Variants in TTC17 observed in about 807,000 individuals in gnomAD.
TTC17 encodes tetratricopeptide repeat protein 17.
Under a neutral mutation model 143.8 loss-of-function variants are expected in TTC17, and 58 were observed. The ratio of observed to expected loss-of-function variants is 0.40; its 90% CI spans 0.33 to 0.50. The LOEUF (loss-of-function observed/expected upper bound fraction) is 0.50. Among genes scored for constraint, TTC17 ranks in the 20% least tolerant of loss-of-function variants. The pLI, the probability that TTC17 is intolerant of heterozygous loss-of-function variation, is 0.49. For missense variants in TTC17, 1,273 were observed against 1,392.5 expected (o/e 0.91, Z 1.37); for synonymous variants, 501 against 497.8 (o/e 1.01, Z -0.09).
intron 2 of TTC17, among the ~76,000 whole-genome samples, chr11:43,382,625 A>G (rs183220667): frequency 1.3e-3 from 203 of 152,336 alleles, no homozygotes; most frequent in African/African-American, 4.7e-3. Flanking sequence ...TTGTTATTCA[A>G]TGTAATTTGT....
intron 21 of TTC17, among the ~76,000 whole-genome samples, chr11:43,456,179 AACACACACACACAC>A (rs57261729): frequency 6.8e-6 from 1 of 146,212 alleles, no homozygotes; most frequent in East Asian, 2.0e-4. Flanking sequence ...TTAGCACAAT[AACACACACACACAC>A]ACACACACAC....
chr11:43,445,310 A>T (rs1027290027), intron 18 of TTC17, among the ~76,000 whole-genome samples: 4 of 152,306 alleles, frequency 2.6e-5, no homozygotes, highest in African/African-American at 9.6e-5. Context: ...ATCCTGTAAA[A>T]TAATGTATGT....
chr11:43,477,435 C>G (rs748324642), intron 21 of TTC17, among the ~76,000 whole-genome samples: 1 of 152,148 alleles, frequency 6.6e-6, no homozygotes, highest in East Asian at 1.9e-4. Context: ...AAGACATACC[C>G]AAAACCAGGA....
At chr11:43,464,774 G>T (rs1411165226) in intron 21 of TTC17, among the ~76,000 whole-genome samples, 4 of 152,058 alleles carry the variant, frequency 2.6e-5, no homozygotes, top group African/African-American at 9.7e-5. Flanking sequence ...CAATACAGGA[G>T]GCTGATCTGG....
chr11:43,440,346 G>A (rs1947389183), intron 16 of TTC17, among the ~76,000 whole-genome samples: 2 of 152,096 alleles, frequency 1.3e-5, no homozygotes, highest in Admixed American at 1.3e-4. Flanking sequence ...TCTTTATCCT[G>A]TTGCCCTTTC....
chr11:43,456,179 A>AACACAC (rs57261729), intron 21 of TTC17, among the ~76,000 whole-genome samples: 2,327 of 146,288 alleles, frequency 0.016, 22 homozygotes, highest in Non-Finnish European at 0.02. Context: ...TTAGCACAAT[A>AACACAC]ACACACACAC....
chr11:43,486,465 C>T (rs891855387), intron 21 of TTC17: 10 of 446,998 alleles, frequency 2.2e-5, no homozygotes, highest in Non-Finnish European at 4.5e-5. Context: ...GGAGGGACTA[C>T]TATACCATTT....
intron 21 of TTC17, among the ~76,000 whole-genome samples, chr11:43,464,018 A>G (rs889732119): frequency 4.6e-5 from 7 of 152,258 alleles, no homozygotes; most frequent in Non-Finnish European, 8.8e-5. Flanking sequence ...GCTCCTGCCT[A>G]TAATCCCAGC....
At chr11:43,386,890 A>G (rs983337230) in intron 2 of TTC17, among the ~76,000 whole-genome samples, 1 of 152,098 alleles carries the variant, frequency 6.6e-6, no homozygotes, top group Admixed American at 6.6e-5. Flanking sequence ...GGGCTCAAGC[A>G]GTCCTCCTAC....
intron 16 of TTC17, among the ~76,000 whole-genome samples, chr11:43,419,708 T>C (rs560215462): frequency 1.3e-5 from 2 of 152,216 alleles, no homozygotes; most frequent in Admixed American, 1.3e-4. Context: ...AGAGGCAGGG[T>C]CTCACTGTGT....
chr11:43,454,468 G>A (rs1362934604), intron 21 of TTC17, among the ~76,000 whole-genome samples: 5 of 151,938 alleles, frequency 3.3e-5, no homozygotes, highest in African/African-American at 9.7e-5. Flanking sequence ...GGATTCAAGG[G>A]ACCAAGGACA....
At chr11:43,440,554 T>A (rs964185898) in intron 16 of TTC17, among the ~76,000 whole-genome samples, 1 of 152,218 alleles carries the variant, frequency 6.6e-6, no homozygotes, top group Non-Finnish European at 1.5e-5. Context: ...TAAAGATTCC[T>A]TTTCCCTTTA....
chr11:43,380,277 C>G (rs1009773299), intron 2 of TTC17, among the ~76,000 whole-genome samples: 5 of 151,134 alleles, frequency 3.3e-5, no homozygotes, highest in East Asian at 2.0e-4. Context: ...TTTTTTGAGT[C>G]GAAGTCTCAC....
intron 5 of TTC17, 29 bp downstream of exon 5, chr11:43,391,981 C>A: frequency 1.3e-6 from 2 of 1,573,252 alleles, no homozygotes; most frequent in South Asian, 1.2e-5. Flanking sequence ...AAAGAGCCAG[C>A]GGGCTGAGCC....
chr11:43,494,045 G>C lies in TTC17; in HGVS notation c.*141G>C. On this transcript the variant is annotated 3_prime_UTR_variant, in exon 24 of 24. Transcript: ENST00000039989. ...TTATAACAGGACTTTTACATATGTG[G>C]GAATTGGTTTGTTTTTGTTTTTACG... 8.0e-7 allele frequency: 1 copy of C among 1,245,680 alleles called. No homozygotes were observed. Among genetic ancestry groups the C allele is most frequent in the Non-Finnish European group, 1.1e-6 (1 of 932,120 alleles). 77.2% of individuals were successfully genotyped at this position (1,245,680 alleles called of 1,614,324 possible).
intron 2 of TTC17, among the ~76,000 whole-genome samples, chr11:43,380,246 T>TTTTTG (rs965077141): frequency 3.9e-5 from 6 of 152,048 alleles, no homozygotes; most frequent in Admixed American, 1.3e-4. Flanking sequence ...GCATACCTGT[T>TTTTTG]TTTTGTTTTG....
intron 16 of TTC17, among the ~76,000 whole-genome samples, chr11:43,431,874 A>G (rs939579329): frequency 6.6e-6 from 1 of 152,246 alleles, no homozygotes; most frequent in Non-Finnish European, 1.5e-5. Flanking sequence ...AACGATTCAC[A>G]AAAAGGTAAA....
At chr11:43,470,269 G>C (rs528247591) in intron 21 of TTC17, among the ~76,000 whole-genome samples, 1 of 152,152 alleles carries the variant, frequency 6.6e-6, no homozygotes, top group Non-Finnish European at 1.5e-5. Context: ...CACATAGTTC[G>C]CACCTTAGTC....
At chr11:43,439,257 T>A (rs1947360555) in intron 16 of TTC17, among the ~76,000 whole-genome samples, 1 of 152,192 alleles carries the variant, frequency 6.6e-6, no homozygotes, top group African/African-American at 2.4e-5. Context: ...TGCCACTGGA[T>A]CCCCGTCGAC....
Sources: allele counts gnomAD v4.1 joint callset (sites outside exome capture counted in the v4.1 genomes callset), GRCh38; gene constraint gnomAD v4.1.1; transcripts MANE v1.5; gene names NCBI Gene and HGNC (gene_info 2026-07-23, HGNC 2026-07-21).